Variants in KIAA1549L observed in about 807,000 individuals in gnomAD.
KIAA1549L encodes KIAA1549 like.
In KIAA1549L, 88 loss-of-function variants were observed where a neutral mutation model predicts 160.7. The ratio of observed to expected loss-of-function variants is 0.55; its 90% CI spans 0.46 to 0.65. The LOEUF (loss-of-function observed/expected upper bound fraction) is 0.65. Ranked by LOEUF, KIAA1549L falls within the 30% of genes least tolerant of loss-of-function variation. The pLI, the probability that KIAA1549L is intolerant of heterozygous loss-of-function variation, is 0.00. For missense variants in KIAA1549L, 2,258 were observed against 2,437.5 expected (o/e 0.93, Z 1.55); for synonymous variants, 950 against 976.7 (o/e 0.97, Z 0.51).
chr11:33,658,861 C>T lies in KIAA1549L; in HGVS notation c.5970C>T (p.Ser1990=), dbSNP rs370407122. 2.0e-4 allele frequency: 312 copies of T among 1,561,252 alleles called. No homozygotes were observed. The highest frequency in any genetic ancestry group is 2.4e-4 in the Non-Finnish European group (271 of 1,152,914). The change falls in exon 19 of 21, where the codon TCC becomes TCT. Residue 1990 remains serine (S), a synonymous_variant. Transcript: ENST00000658780. ...SFTQMSRGPV[S]VTQLDQSALN... is the part of the protein sequence containing the mutation. ...CGCAGATGTCCAGAGGCCCTGTGTC[C>T]GTGACGCAGTTGGATCAGTCGGCTT...
At chr11:33,555,046 G>A (rs61888293) in intron 6 of KIAA1549L, among the ~76,000 whole-genome samples, 7,848 of 142,990 alleles carry the variant, frequency 0.055, 285 homozygotes, top group Non-Finnish European at 0.081. Flanking sequence ...CTTTGAACCC[G>A]TAGGCCTCTT....
chr11:33,606,545 A>C, intron 13 of KIAA1549L, 96 bp from the exon 14 acceptor site: 1 of 1,237,326 alleles, frequency 8.1e-7, no homozygotes. Context: ...GTTTTGAGTA[A>C]AGTAATGTCC....
chr11:33,669,241 G>A lies in KIAA1549L; in HGVS notation c.*1087G>A, dbSNP rs959461890. ...AAATGTAAATAACCTTTTAAAAAGCGTATGGAGTTAGCCAGTTCCCCCTAG... is the reference window on the plus strand; with the variant it reads ...AAATGTAAATAACCTTTTAAAAAGCATATGGAGTTAGCCAGTTCCCCCTAG... On this transcript the variant is annotated 3_prime_UTR_variant, in exon 21 of 21. Coordinates refer to ENST00000658780, the MANE Select transcript of KIAA1549L (RefSeq NM_012194.3). 9.9e-5 allele frequency: 15 copies of A among 152,212 alleles called. No homozygotes were observed. Among genetic ancestry groups the A allele is most frequent in the African/African-American group, 1.4e-4 (6 of 41,444 alleles). 9.4% of individuals were successfully genotyped at this position (152,212 alleles called of 1,614,324 possible). A position where few individuals can be genotyped will look rare whatever the true frequency, so the allele number is the denominator to read the frequency against.
chr11:33,417,254 G>A (rs1353447484), intron 1 of KIAA1549L, among the ~76,000 whole-genome samples: 1 of 152,178 alleles, frequency 6.6e-6, no homozygotes, highest in African/African-American at 2.4e-5. Context: ...TCGTAGTTCA[G>A]TAAAAGAAGC....
intron 1 of KIAA1549L, among the ~76,000 whole-genome samples, chr11:33,488,759 T>C (rs1035821806): frequency 3.3e-5 from 5 of 152,246 alleles, no homozygotes; most frequent in African/African-American, 1.2e-4. Context: ...ACTTCTAGAA[T>C]GCATTCATGT....
At chr11:33,427,517 T>A (rs901949555) in intron 1 of KIAA1549L, among the ~76,000 whole-genome samples, 1 of 152,120 alleles carries the variant, frequency 6.6e-6, no homozygotes, top group Non-Finnish European at 1.5e-5. Flanking sequence ...CTATACTCCC[T>A]CCGTCCCTAT....
intron 1 of KIAA1549L, among the ~76,000 whole-genome samples, chr11:33,436,050 A>T (rs1459723319): frequency 6.6e-6 from 1 of 151,042 alleles, no homozygotes; most frequent in Non-Finnish European, 1.5e-5. Context: ...TATTGTATTA[A>T]GTACTATAAG....
At chr11:33,446,183 CT>C (rs964574770) in intron 1 of KIAA1549L, among the ~76,000 whole-genome samples, 2 of 151,860 alleles carry the variant, frequency 1.3e-5, no homozygotes, top group Non-Finnish European at 2.9e-5. Flanking sequence ...CAACCTCCGC[CT>C]CCCAGGCTCA....
At chr11:33,459,868 G>A (rs987762127) in intron 1 of KIAA1549L, among the ~76,000 whole-genome samples, 10 of 147,944 alleles carry the variant, frequency 6.8e-5, no homozygotes, top group African/African-American at 2.3e-4. Context: ...GGCTGAGGCA[G>A]GAGAATGGCG....
rs147174405 is a variant in KIAA1549L at position 33,586,498 on chromosome 11, T to G, written c.4566+2997T>G. 3.9e-5 allele frequency among the ~76,000 whole-genome samples: 6 copies of G among 152,294 alleles called. No individual in the cohort carries two copies. In the East Asian group the frequency reaches 1.2e-3, roughly 29 times the overall value. ...TCCTTTCTTCCTAGTTCACTTCCCT[T>G]TACTCTGTCATTGGATGTACAGCCA... On this transcript the variant is annotated intron_variant, in intron 11 of 20. Coordinates refer to ENST00000658780, the MANE Select transcript of KIAA1549L (RefSeq NM_012194.3).
intron 1 of KIAA1549L, among the ~76,000 whole-genome samples, chr11:33,517,349 G>A (rs533064527): frequency 2.2e-4 from 33 of 152,176 alleles, no homozygotes; most frequent in South Asian, 4.1e-4. Context: ...AGCTGGGGGA[G>A]CTGTAGGTCT....
intron 12 of KIAA1549L, 145 bp downstream of exon 12, chr11:33,591,566 G>A (rs1850054660): frequency 1.5e-6 from 1 of 678,676 alleles, no homozygotes; most frequent in Non-Finnish European, 2.4e-6. Flanking sequence ...AGAGACTAAA[G>A]GAGATGATGA....
chr11:33,422,627 G>GT (rs1299025799), intron 1 of KIAA1549L, among the ~76,000 whole-genome samples: 2 of 146,648 alleles, frequency 1.4e-5, no homozygotes, highest in African/African-American at 5.0e-5. Flanking sequence ...TAGAGATTGT[G>GT]TTTTTTCTTT....
In KIAA1549L at chr11:33,603,399, A is replaced by G. The variant is rs1379577079; in HGVS notation, c.4880-3242A>G. Among the ~76,000 whole-genome samples the G allele has an allele frequency of 2.6e-5, 4 of 152,056 alleles. No individual in the cohort carries two copies. In the East Asian group the frequency reaches 7.7e-4, roughly 29 times the overall value. The stretch of plus-strand genomic sequence containing the variant: ...TAAGGAAAGTCATTTTTAAGCTGCA[A>G]CTTGAAAAGCAAGAGAGAACTGGGC... On this transcript the variant is annotated intron_variant, in intron 13 of 20. Coordinates refer to ENST00000658780, the MANE Select transcript of KIAA1549L (RefSeq NM_012194.3).
intron 1 of KIAA1549L, among the ~76,000 whole-genome samples, chr11:33,427,111 C>T (rs911171441): frequency 5.9e-5 from 9 of 152,152 alleles, no homozygotes; most frequent in Non-Finnish European, 1.0e-4. Context: ...CAGTTTATAC[C>T]ATGAACCTCA....
chr11:33,419,452 G>A (rs750151153), intron 1 of KIAA1549L, among the ~76,000 whole-genome samples: 6 of 152,120 alleles, frequency 3.9e-5, no homozygotes, highest in East Asian at 1.9e-4. Context: ...GTTTTCCCTC[G>A]TCTTTTCCTT....
intron 1 of KIAA1549L, among the ~76,000 whole-genome samples, chr11:33,469,795 G>A (rs994643474): frequency 3.3e-5 from 5 of 152,058 alleles, no homozygotes; most frequent in African/African-American, 7.2e-5. Context: ...TTTCATATGC[G>A]TAATGACTGT....
intron 20 of KIAA1549L, among the ~76,000 whole-genome samples, chr11:33,667,537 C>T (rs188027122): frequency 3.9e-5 from 6 of 151,920 alleles, no homozygotes; most frequent in Admixed American, 2.6e-4. Context: ...GGACTACAGG[C>T]GCATGCCACC....
At chr11:33,656,997 G>A (rs1852087820) in intron 18 of KIAA1549L, among the ~76,000 whole-genome samples, 1 of 152,146 alleles carries the variant, frequency 6.6e-6, no homozygotes, top group African/African-American at 2.4e-5. Context: ...CAGGGGCCTA[G>A]ATGATCTCAA....
Sources: allele counts gnomAD v4.1 joint callset (sites outside exome capture counted in the v4.1 genomes callset), GRCh38; gene constraint gnomAD v4.1.1; transcripts MANE v1.5; gene names NCBI Gene and HGNC (gene_info 2026-07-23, HGNC 2026-07-21).